Variants in MDGA1 observed in about 807,000 individuals in gnomAD.
MDGA1 encodes the protein MAM domain containing glycosylphosphatidylinositol anchor 1, also known as MAM domain-containing glycosylphosphatidylinositol anchor protein 1.
MDGA1 carries 54 observed loss-of-function variants against 101.5 expected under a neutral mutation model. That is an observed-to-expected ratio of 0.53 (90% CI 0.43 to 0.67). MDGA1 has a LOEUF of 0.67. MDGA1 is among the 30% of genes least tolerant of loss of function. The probability of loss-of-function intolerance (pLI) is 0.00; values close to 1 mark genes in which losing one functional copy is unlikely to be tolerated. For synonymous variants in MDGA1, 533 were observed against 558.3 expected, an observed-to-expected ratio of 0.95 and a Z score of 0.64; for missense variants, 1,083 against 1,323.8, an observed-to-expected ratio of 0.82 and a Z score of 2.82.
intron 1 of MDGA1, among the ~76,000 whole-genome samples, chr6:37,678,676 A>G (rs61200844): frequency 0.13 from 19,244 of 149,010 alleles, 1,401 homozygotes; most frequent in Admixed American, 0.19. Flanking sequence ...TTGCACTTAC[A>G]GCCCCACCCC....
intron 7 of MDGA1, 24 bp downstream of exon 7, chr6:37,651,987 C>G (rs750121388): frequency 6.5e-7 from 1 of 1,531,618 alleles, no homozygotes; most frequent in Non-Finnish European, 8.8e-7. Flanking sequence ...CTCACATTTC[C>G]GCAGTGCCCC....
Position 37,637,296 on chromosome 6 carries a change from T to C in MDGA1, c.*72A>G. ...CCCTGGGCACCCCAGCTGGCGGGGG[T>C]CAGTCTTTGGTACAATGTGGACACT... is the stretch of plus-strand genomic sequence containing the variant. On this transcript the variant is annotated 3_prime_UTR_variant, in exon 17 of 17. Transcript: ENST00000434837. 1.6e-6 allele frequency: 2 copies of C among 1,276,030 alleles called. No individual in the cohort carries two copies. The highest frequency in any genetic ancestry group is 2.4e-5 in the East Asian group (1 of 41,618). 79.0% of individuals were successfully genotyped at this position (1,276,030 alleles called of 1,614,324 possible).
chr6:37,654,234 G>A (rs2114028167), intron 6 of MDGA1, 40 bp downstream of exon 6: 2 of 1,508,436 alleles, frequency 1.3e-6, no homozygotes, highest in South Asian at 1.4e-5. Flanking sequence ...GACCTTGTCT[G>A]CCTCACAACT....
chr6:37,649,349 G>T, intron 8 of MDGA1, 83 bp from the exon 9 acceptor site: 1 of 1,395,834 alleles, frequency 7.2e-7, no homozygotes, highest in South Asian at 1.6e-5. Flanking sequence ...CAACGCGCTC[G>T]CCTCTAATGC....
intron 1 of MDGA1, among the ~76,000 whole-genome samples, chr6:37,692,211 G>A (rs964324449): frequency 6.6e-6 from 1 of 152,172 alleles, no homozygotes; most frequent in Non-Finnish European, 1.5e-5. Flanking sequence ...CATCTGGAAC[G>A]GCAGCAGCTG....
chr6:37,671,018 A>G (rs1333379908), intron 1 of MDGA1, among the ~76,000 whole-genome samples: 7 of 152,158 alleles, frequency 4.6e-5, no homozygotes, highest in Admixed American at 4.6e-4. Context: ...AGAAAACTGA[A>G]CAGCATTTCA....
At chr6:37,694,743 C>T (rs1234424795) in intron 1 of MDGA1, among the ~76,000 whole-genome samples, 2 of 152,182 alleles carry the variant, frequency 1.3e-5, no homozygotes, top group Admixed American at 6.5e-5. Flanking sequence ...TTCCCTGAAG[C>T]CCCAACACTG....
At chr6:37,662,162 G>GAAA (rs10717477) in intron 2 of MDGA1, among the ~76,000 whole-genome samples, 70 of 131,408 alleles carry the variant, frequency 5.3e-4, no homozygotes, top group South Asian at 3.6e-3. Flanking sequence ...ACCCTGTCTC[G>GAAA]AAAAAAAAAA....
chr6:37,646,065 A>G, intron 11 of MDGA1, 109 bp from the exon 12 acceptor site: 5 of 1,584,090 alleles, frequency 3.2e-6, no homozygotes, highest in Non-Finnish European at 4.3e-6. Flanking sequence ...ACTGGGGGCC[A>G]GCGGATCTGG....
chr6:37,654,931 C>T lies in MDGA1; in HGVS notation c.581G>A (p.Gly194Glu), dbSNP rs1422053177. 10 of 1,612,914 alleles carry T rather than the reference C, an allele frequency of 6.2e-6. No homozygotes were observed. The highest frequency in any genetic ancestry group is 7.6e-6 in the Non-Finnish European group (9 of 1,179,760). The change falls in exon 5 of 17, where the codon GGG becomes GAG. Residue 194 changes from glycine to glutamate, a missense_variant and splice_region_variant. Around this residue, in one of 3 missense-constraint regions of MDGA1, gnomAD observed 310 missense variants for 355.9 expected, o/e 0.87. Coordinates refer to ENST00000434837, the MANE Select transcript of MDGA1 (RefSeq NM_153487.4). ...CTTCAGCTTCAGGACCTTGGTCTCCCCCTGGGCAGCAGTGGACCACTGGGG... is the reference window on the plus strand; with the variant it reads ...CTTCAGCTTCAGGACCTTGGTCTCCTCCTGGGCAGCAGTGGACCACTGGGG... ...VDIYEPLYTQ[G>E]ETKVLKLKNL...
At chr6:37,644,018 T>A in intron 13 of MDGA1, 75 bp from the exon 14 acceptor site, 2 of 1,568,764 alleles carry the variant, frequency 1.3e-6, no homozygotes, top group Non-Finnish European at 1.7e-6. Context: ...CCTCTCTGCC[T>A]AGGCCTCTGC....
At chr6:37,637,550 G>T in intron 16 of MDGA1, 91 bp from the exon 17 acceptor site, 1 of 1,102,828 alleles carries the variant, frequency 9.1e-7, no homozygotes, top group Non-Finnish European at 1.4e-6. Context: ...CTGTTACTCT[G>T]CCCACCTCTT....
Position 37,638,702 on chromosome 6 carries a change from C to G in MDGA1, c.2537-35G>C, listed in dbSNP as rs1196485009. On this transcript the variant is annotated intron_variant, in intron 14 of 16. Transcript: ENST00000434837. This position sits in a 1 kb window ranked among gnomAD's most constrained non-coding sequence, Gnocchi z 4.8. ...GTGTGAAGACAGTGGGCAGTGAGAT[C>G]TGGCCAGGGCACCCTCACCTTTCCA... is the stretch of plus-strand genomic sequence containing the variant. 6.3e-6 allele frequency: 10 copies of G among 1,589,398 alleles called. No homozygotes were observed. Among genetic ancestry groups the G allele is most frequent in the South Asian group, 2.3e-5 (2 of 88,258 alleles).
intron 1 of MDGA1, among the ~76,000 whole-genome samples, chr6:37,671,784 G>T (rs1466597579): frequency 6.6e-6 from 1 of 152,186 alleles, no homozygotes; most frequent in East Asian, 1.9e-4. Flanking sequence ...ACAGGTAGGG[G>T]TGCTATAAAA....
intron 1 of MDGA1, among the ~76,000 whole-genome samples, chr6:37,677,228 C>T (rs1203862507): frequency 6.6e-6 from 1 of 152,120 alleles, no homozygotes; most frequent in East Asian, 1.9e-4. Context: ...TCCATTGTGG[C>T]CGGGCTGTGC....
intron 6 of MDGA1, 92 bp downstream of exon 6, chr6:37,654,182 C>A: frequency 7.2e-7 from 1 of 1,394,042 alleles, no homozygotes; most frequent in South Asian, 1.5e-5. Flanking sequence ...GAGAAGCAGA[C>A]AGGCCCCTTT....
intron 1 of MDGA1, 61 bp from the exon 2 acceptor site, chr6:37,664,167 G>A: frequency 6.2e-7 from 1 of 1,604,292 alleles, no homozygotes; most frequent in African/African-American, 1.3e-5. Context: ...GAAGAAGTCT[G>A]GGGCTCCCTC....
intron 14 of MDGA1, chr6:37,639,082 T>G (rs1045281915): frequency 5.3e-6 from 1 of 186,962 alleles, no homozygotes; most frequent in Non-Finnish European, 1.1e-5. Context: ...ACATGACTTG[T>G]GGAGGGAGAT....
chr6:37,634,004 G>A lies in MDGA1; in HGVS notation c.*3364C>T, dbSNP rs1422045752. 6.6e-6 allele frequency: 1 copy of A among 152,468 alleles called. No individual in the cohort carries two copies. Among genetic ancestry groups the A allele is most frequent in the African/African-American group, 2.4e-5 (1 of 41,454 alleles). 9.4% of individuals were successfully genotyped at this position (152,468 alleles called of 1,614,324 possible). A position where few individuals can be genotyped will look rare whatever the true frequency, so the allele number is the denominator to read the frequency against. ...CTTTCCCAGAGCACAGGGAAAAGGAGAATGAATGAGAAAGAGGTGTCAGGC... is the reference window on the plus strand; with the variant it reads ...CTTTCCCAGAGCACAGGGAAAAGGAAAATGAATGAGAAAGAGGTGTCAGGC... On this transcript the variant is annotated 3_prime_UTR_variant, in exon 17 of 17. Transcript: ENST00000434837. This position sits in a 1 kb window ranked among gnomAD's most constrained non-coding sequence, Gnocchi z 4.7.
Sources: allele counts gnomAD v4.1 joint callset (sites outside exome capture counted in the v4.1 genomes callset), GRCh38; gene constraint gnomAD v4.1.1; regional missense constraint gnomAD v4.1.1; non-coding constraint Gnocchi (gnomAD v3.1); transcripts MANE v1.5; gene names NCBI Gene and HGNC (gene_info 2026-07-23, HGNC 2026-07-21).